CSMD1: variants seen among roughly 807,000 people sequenced by gnomAD.
CSMD1 encodes CUB and Sushi multiple domains 1, also known as CUB and sushi domain-containing protein 1.
In CSMD1, 213 loss-of-function variants were observed where a neutral mutation model predicts 417.5. That is an observed-to-expected ratio of 0.51 (90% CI 0.46 to 0.57). The LOEUF is 0.57. Ranked by LOEUF, CSMD1 falls within the 20% of genes least tolerant of loss-of-function variation. The pLI is 0.00. For synonymous variants in CSMD1, 2,862 were observed against 1,736.8 expected, an observed-to-expected ratio of 1.65 and a Z score of -16.11; for missense variants, 6,923 against 4,529.7, an observed-to-expected ratio of 1.53 and a Z score of -15.17.
chr8:4,042,918 G>A (rs72624068), intron 3 of CSMD1, among the ~76,000 whole-genome samples: 16,220 of 148,488 alleles, frequency 0.11, 1,456 homozygotes, highest in East Asian at 0.39. Flanking sequence ...ATGAGTTCAG[G>A]AGTTCAAGAC....
intron 6 of CSMD1, among the ~76,000 whole-genome samples, chr8:3,710,142 T>C (rs1801426244): frequency 6.6e-6 from 1 of 152,142 alleles, no homozygotes; most frequent in African/African-American, 2.4e-5. Context: ...TTCCTGATAT[T>C]TTTAGGCTAT....
chr8:3,956,898 G>C (rs1412241404), intron 5 of CSMD1, among the ~76,000 whole-genome samples: 1 of 152,148 alleles, frequency 6.6e-6, no homozygotes, highest in Non-Finnish European at 1.5e-5. Flanking sequence ...GATTATCTCT[G>C]CATTGTTGCA....
rs988038849 is a variant in CSMD1, at chr8:3,051,772, T to C, written c.7660+690A>G. Among the ~76,000 whole-genome samples the C allele has an allele frequency of 2.6e-5, 4 of 152,334 alleles. No individual in the cohort carries two copies. In the South Asian group the frequency reaches 8.3e-4, roughly 32 times the overall value. The stretch of plus-strand genomic sequence containing the variant: ...CATTATTTCCAATTTGAGTCTAGTT[T>C]TAATATACCTGCAATGAAAATCTTG... On this transcript the variant is annotated intron_variant, in intron 50 of 69. Transcript: ENST00000635120.
At position 4,519,742 on chromosome 8, in the gene CSMD1, C is replaced by CAAAAAAAAAAAAAAAAAAAAAAAAA. The variant is rs57747377; in HGVS notation, c.303-99702_303-99678dup. The stretch of plus-strand genomic sequence containing the variant: ...TAGGCAGCAGAGTCAGACTTCATCT[C>CAAAAAAAAAAAAAAAAAAAAAAAAA]AAAAAAAAAAAAAAAAAAAAAAAAA... On this transcript the variant is annotated intron_variant, in intron 2 of 69. Coordinates refer to ENST00000635120, the MANE Select transcript of CSMD1 (RefSeq NM_033225.6). 1.5e-4 allele frequency among the ~76,000 whole-genome samples: 12 copies of CAAAAAAAAAAAAAAAAAAAAAAAAA among 80,368 alleles called. 3 individuals are homozygous for CAAAAAAAAAAAAAAAAAAAAAAAAA. Among genetic ancestry groups the CAAAAAAAAAAAAAAAAAAAAAAAAA allele is most frequent in the African/African-American group, 4.7e-4 (9 of 19,122 alleles). The allele number at this position is 80,368 out of a possible 152,430, so 52.7% of individuals were successfully genotyped here. A position where few individuals can be genotyped will look rare whatever the true frequency, so the allele number is the denominator to read the frequency against.
At chr8:4,070,764 T>C (rs1294056234) in intron 3 of CSMD1, among the ~76,000 whole-genome samples, 1 of 152,198 alleles carries the variant, frequency 6.6e-6, no homozygotes, top group African/African-American at 2.4e-5. Context: ...CACGAGCCTG[T>C]CACTGACACC....
At chr8:4,118,971 C>A (rs1383112901) in intron 3 of CSMD1, among the ~76,000 whole-genome samples, 1 of 152,138 alleles carries the variant, frequency 6.6e-6, no homozygotes, top group Non-Finnish European at 1.5e-5. Flanking sequence ...AGCCATCATT[C>A]TCAGCAAACT....
At chr8:4,499,300 A>T (rs951217719) in intron 2 of CSMD1, among the ~76,000 whole-genome samples, 3 of 152,170 alleles carry the variant, frequency 2.0e-5, no homozygotes, top group African/African-American at 4.8e-5. Context: ...CGTCATGAAA[A>T]ACGCTTGGGA....
intron 3 of CSMD1, among the ~76,000 whole-genome samples, chr8:4,332,728 G>A (rs1346295731): frequency 6.6e-6 from 1 of 151,974 alleles, no homozygotes; most frequent in South Asian, 2.1e-4. Flanking sequence ...CTTTTTCAGT[G>A]TGAGTTACCA....
rs1173121716 is a variant in CSMD1, at chr8:4,035,895, CT to C, written c.416-3797del. Among the ~76,000 whole-genome samples, 62 of 152,166 alleles carry C rather than the reference CT, an allele frequency of 4.1e-4. 1 individual carries two copies. The highest frequency in any genetic ancestry group is 4.1e-3 in the Admixed American group (62 of 15,272). On this transcript the variant is annotated intron_variant, in intron 3 of 69. Coordinates refer to ENST00000635120, the MANE Select transcript of CSMD1 (RefSeq NM_033225.6). ...CCGTCCGAAGCCTTCACAGTCACCC[CT>C]CACTCACACACAGACTCACCCAGAG... is the stretch of plus-strand genomic sequence containing the variant.
chr8:3,456,097 G>T (rs1319236610), intron 12 of CSMD1, among the ~76,000 whole-genome samples: 1 of 152,194 alleles, frequency 6.6e-6, no homozygotes, highest in Admixed American at 6.5e-5. Context: ...CATGGGCGTA[G>T]GACCCTCAAA....
intron 5 of CSMD1, among the ~76,000 whole-genome samples, chr8:3,979,591 T>A (rs932793690): frequency 6.6e-6 from 1 of 152,154 alleles, no homozygotes; most frequent in Admixed American, 6.5e-5. Flanking sequence ...ATCATGAGGA[T>A]GCGGCCAACA....
chr8:3,664,580 G>A (rs1798588169), intron 7 of CSMD1, among the ~76,000 whole-genome samples: 1 of 152,226 alleles, frequency 6.6e-6, no homozygotes, highest in African/African-American at 2.4e-5. Flanking sequence ...AAGAGACTGA[G>A]GAGTTTTCCT....
At chr8:4,271,745 C>CT (rs1247203106) in intron 3 of CSMD1, among the ~76,000 whole-genome samples, 13 of 152,232 alleles carry the variant, frequency 8.5e-5, no homozygotes, top group Middle Eastern at 3.4e-3. Flanking sequence ...GATTAATATA[C>CT]TTATACATAT....
chr8:3,579,717 C>T (rs533378901), intron 9 of CSMD1, among the ~76,000 whole-genome samples: 2 of 152,200 alleles, frequency 1.3e-5, no homozygotes, highest in South Asian at 4.1e-4. Context: ...TTAAGCCACT[C>T]AGCTTATTTA....
At chr8:3,849,738 T>C (rs969143878) in intron 5 of CSMD1, among the ~76,000 whole-genome samples, 1 of 152,234 alleles carries the variant, frequency 6.6e-6, no homozygotes, top group Non-Finnish European at 1.5e-5. Context: ...TCAATCTTTA[T>C]GAAGCTCTTG....
chr8:4,128,718 T>C (rs1802912601), intron 3 of CSMD1, among the ~76,000 whole-genome samples: 1 of 152,128 alleles, frequency 6.6e-6, no homozygotes, highest in Non-Finnish European at 1.5e-5. Context: ...CCACTCATCC[T>C]TGCTGGATAC....
intron 3 of CSMD1, among the ~76,000 whole-genome samples, chr8:4,157,999 C>A (rs1796932272): frequency 1.3e-5 from 2 of 152,160 alleles, no homozygotes; most frequent in Non-Finnish European, 2.9e-5. Flanking sequence ...GGACCCTTTC[C>A]TGCTCAACTG....
chr8:4,257,444 T>G (rs1483365700), intron 3 of CSMD1, among the ~76,000 whole-genome samples: 1 of 152,188 alleles, frequency 6.6e-6, no homozygotes, highest in African/African-American at 2.4e-5. Context: ...TTAGGCTTAT[T>G]AAGAATTCCT....
chr8:3,719,506 C>G (rs951260202), intron 6 of CSMD1, among the ~76,000 whole-genome samples: 1 of 152,186 alleles, frequency 6.6e-6, no homozygotes, highest in Non-Finnish European at 1.5e-5. Context: ...TTCCCTGGAC[C>G]ATTCATTACA....
Sources: gnomAD v4.1 joint callset for allele counts (sites outside exome capture counted in the v4.1 genomes callset) on GRCh38, gnomAD v4.1.1 for gene constraint, MANE v1.5 for transcripts, NCBI Gene and HGNC (gene_info 2026-07-23, HGNC 2026-07-21) for gene names.